Variants in PTPRN2 observed in about 807,000 individuals in gnomAD.
PTPRN2 encodes protein tyrosine phosphatase receptor type N2.
In PTPRN2, 74 loss-of-function variants were observed where a neutral mutation model predicts 118.8. The observed-to-expected ratio is 0.62, with a 90% confidence interval of 0.52 to 0.76. PTPRN2 has a LOEUF of 0.76. PTPRN2 is among the 30% of genes least tolerant of loss of function. The pLI is 0.00. For missense variants in PTPRN2, 1,481 were observed against 1,394.4 expected (o/e 1.06, Z -0.99); for synonymous variants, 641 against 608.0 (o/e 1.05, Z -0.80).
intron 3 of PTPRN2, among the ~76,000 whole-genome samples, chr7:158,312,455 C>A (rs1169905892): frequency 2.6e-5 from 4 of 151,314 alleles, no homozygotes; most frequent in Admixed American, 1.3e-4. Flanking sequence ...CACTCATTCA[C>A]ATGCTCACGT....
At chr7:158,228,592 G>A (rs1244612502) in intron 3 of PTPRN2, among the ~76,000 whole-genome samples, 1 of 151,584 alleles carries the variant, frequency 6.6e-6, no homozygotes, top group Non-Finnish European at 1.5e-5. Context: ...CCCAGCAATG[G>A]CCACACACTC....
At chr7:157,689,044 C>T (rs556913880) in intron 12 of PTPRN2, among the ~76,000 whole-genome samples, 1 of 152,334 alleles carries the variant, frequency 6.6e-6, no homozygotes, top group Admixed American at 6.5e-5. Context: ...TCCCCAACCA[C>T]GCCCGCGTCC....
intron 1 of PTPRN2, among the ~76,000 whole-genome samples, chr7:158,498,493 G>A (rs1822113084): frequency 6.6e-6 from 1 of 151,600 alleles, no homozygotes. Flanking sequence ...TTCGTTTGAA[G>A]ACATTAAGAG....
chr7:157,692,828 G>T (rs1797576650), intron 12 of PTPRN2, among the ~76,000 whole-genome samples: 1 of 152,056 alleles, frequency 6.6e-6, no homozygotes, highest in Admixed American at 6.5e-5. Context: ...GGCAAGGCCC[G>T]CAAAAACCCC....
chr7:158,478,754 G>C (rs563242384), intron 2 of PTPRN2, among the ~76,000 whole-genome samples: 2 of 152,246 alleles, frequency 1.3e-5, no homozygotes, highest in African/African-American at 4.8e-5. Context: ...TTGTGTACAC[G>C]CCGTACAGAG....
At chr7:158,492,844 C>T (rs768222528) in intron 1 of PTPRN2, among the ~76,000 whole-genome samples, 6 of 152,248 alleles carry the variant, frequency 3.9e-5, no homozygotes, top group Admixed American at 6.5e-5. Context: ...CTCGGGCACA[C>T]GCCTTCCTCG....
At chr7:157,961,347 C>CA (rs1235912438) in intron 11 of PTPRN2, among the ~76,000 whole-genome samples, 6 of 152,086 alleles carry the variant, frequency 3.9e-5, no homozygotes, top group Non-Finnish European at 8.8e-5. Context: ...GCCTGGCCAA[C>CA]AGGGTGAAGA....
At chr7:158,137,411 C>T (rs1227433973) in intron 7 of PTPRN2, among the ~76,000 whole-genome samples, 1 of 152,054 alleles carries the variant, frequency 6.6e-6, no homozygotes, top group Non-Finnish European at 1.5e-5. Flanking sequence ...AGAGAGACTC[C>T]ATCTCAAAAA....
intron 5 of PTPRN2, among the ~76,000 whole-genome samples, chr7:158,181,663 A>G (rs1262124534): frequency 6.6e-6 from 1 of 152,106 alleles, no homozygotes; most frequent in East Asian, 1.9e-4. Context: ...AATTTAATCT[A>G]GGAGGGTTGT....
At position 157,695,201 on chromosome 7, in the gene PTPRN2, A is replaced by G. The variant is rs989709316; in HGVS notation, c.1789-12264T>C. Among the ~76,000 whole-genome samples the G allele has an allele frequency of 3.9e-5, 6 of 152,194 alleles. No homozygotes were observed. In the South Asian group the frequency reaches 1.2e-3, roughly 32 times the overall value. On this transcript the variant is annotated intron_variant, in intron 12 of 22. Coordinates refer to ENST00000389418, the MANE Select transcript of PTPRN2 (RefSeq NM_002847.5). ...AAATATCCCATGCACTAAATTATCAAAGAAAATGTATTTTTAAACAAAATA... is the reference window on the plus strand; with the variant it reads ...AAATATCCCATGCACTAAATTATCAGAGAAAATGTATTTTTAAACAAAATA...
chr7:158,094,051 G>C (rs149465838), intron 10 of PTPRN2, among the ~76,000 whole-genome samples: 1 of 152,148 alleles, frequency 6.6e-6, no homozygotes, highest in African/African-American at 2.4e-5. Context: ...ATGTCTTGCC[G>C]CTTACTTTTC....
chr7:157,578,972 T>A lies in PTPRN2; in HGVS notation c.2497-832A>T, dbSNP rs536158741. 2.1e-3 allele frequency among the ~76,000 whole-genome samples: 313 copies of A among 152,370 alleles called. 1 individual carries two copies. The highest frequency in any genetic ancestry group is 7.1e-3 in the African/African-American group (297 of 41,584). On this transcript the variant is annotated intron_variant, in intron 17 of 22. Transcript: ENST00000389418. ...ATGGGTTACATTAACTTGGCAGAAA[T>A]GTTTATAAGCAACTGCATTTAGATG...
chr7:158,335,825 C>G (rs1805435935), intron 2 of PTPRN2, among the ~76,000 whole-genome samples: 1 of 10,054 alleles, frequency 9.9e-5, no homozygotes, highest in Non-Finnish European at 2.3e-4. Context: ...AGACGTCACT[C>G]ACACCCACAC....
In PTPRN2 at chr7:157,601,850, G is replaced by A. The variant is rs879458144; in HGVS notation, c.2418+2152C>T. On this transcript the variant is annotated intron_variant, in intron 16 of 22. Coordinates refer to ENST00000389418, the MANE Select transcript of PTPRN2 (RefSeq NM_002847.5). ...TGGCTTCATCAAATGGTTCATCTCA[G>A]GGAAAAGGGACCTCAACATGGCTTT... Among the ~76,000 whole-genome samples, 20 of 152,226 alleles carry A rather than the reference G, an allele frequency of 1.3e-4. No individual in the cohort carries two copies. In the East Asian group the frequency reaches 3.8e-3, roughly 29 times the overall value.
At chr7:157,984,509 G>A (rs931844262) in intron 11 of PTPRN2, among the ~76,000 whole-genome samples, 1 of 149,358 alleles carries the variant, frequency 6.7e-6, no homozygotes, top group African/African-American at 2.5e-5. Flanking sequence ...AGCGGCACCG[G>A]TTCTGGCTGG....
chr7:158,359,190 G>A (rs1808636935), intron 2 of PTPRN2, among the ~76,000 whole-genome samples: 1 of 152,190 alleles, frequency 6.6e-6, no homozygotes. Flanking sequence ...ACGCACAGGT[G>A]GGAAGACGCT....
intron 12 of PTPRN2, among the ~76,000 whole-genome samples, chr7:157,736,309 C>G (rs1183472677): frequency 1.3e-5 from 2 of 152,178 alleles, no homozygotes; most frequent in African/African-American, 4.8e-5. Flanking sequence ...ATTGTGACCC[C>G]CCAAATCCAT....
chr7:158,351,898 T>TCCGCTCCCCTCCTGA (rs1312215054), intron 2 of PTPRN2, among the ~76,000 whole-genome samples: 3 of 33,858 alleles, frequency 8.9e-5, no homozygotes, highest in Admixed American at 3.2e-4. Context: ...TCGCCTCCTG[T>TCCGCTCCCCTCCTGA]CCGCTCCCCT....
intron 3 of PTPRN2, among the ~76,000 whole-genome samples, chr7:158,232,940 G>A (rs763805544): frequency 2.0e-5 from 3 of 152,014 alleles, no homozygotes; most frequent in Non-Finnish European, 4.4e-5. Context: ...AATAATAAAC[G>A]CTATATATGA....
Sources: allele counts gnomAD v4.1 joint callset (sites outside exome capture counted in the v4.1 genomes callset), GRCh38; gene constraint gnomAD v4.1.1; transcripts MANE v1.5; gene names NCBI Gene and HGNC (gene_info 2026-07-23, HGNC 2026-07-21).